LCLAT1: variants seen among roughly 807,000 people sequenced by gnomAD.
LCLAT1 encodes 1-AGP acyltransferase 8.
In LCLAT1, 11 loss-of-function variants were observed where a neutral mutation model predicts 30.7. That is an observed-to-expected ratio of 0.36 (90% CI 0.23 to 0.59). The LOEUF (loss-of-function observed/expected upper bound fraction) is 0.59, where lower values mean the gene tolerates loss of function less well. LCLAT1 is among the 20% of genes least tolerant of loss of function. The probability of loss-of-function intolerance (pLI) is 0.77; values close to 1 mark genes in which losing one functional copy is unlikely to be tolerated. For missense variants in LCLAT1, 402 were observed against 458.6 expected, an observed-to-expected ratio of 0.88 and a Z score of 1.13; for synonymous variants, 155 against 151.3, an observed-to-expected ratio of 1.02 and a Z score of -0.18.
At chr2:30,484,019 T>C (rs1194294765) in intron 1 of LCLAT1, among the ~76,000 whole-genome samples, 1 of 152,194 alleles carries the variant, frequency 6.6e-6, no homozygotes, top group African/African-American at 2.4e-5. Flanking sequence ...TATATTGATA[T>C]CTAAGTGAGA....
At chr2:30,529,960 G>A (rs17009647) in intron 2 of LCLAT1, among the ~76,000 whole-genome samples, 6,854 of 152,174 alleles carry the variant, frequency 0.045, 534 homozygotes, top group African/African-American at 0.16. Context: ...TGAGAGCAGC[G>A]GGCATGATGG....
chr2:30,598,958 T>TTGAG (rs1037909494), intron 5 of LCLAT1, among the ~76,000 whole-genome samples: 2 of 151,538 alleles, frequency 1.3e-5, no homozygotes, highest in African/African-American at 4.8e-5. Context: ...TTGTATGATT[T>TTGAG]TGAGTGAGTT....
chr2:30,584,161 T>C (rs1444615139), intron 5 of LCLAT1, among the ~76,000 whole-genome samples: 1 of 152,168 alleles, frequency 6.6e-6, no homozygotes, highest in Non-Finnish European at 1.5e-5. Flanking sequence ...TCTTCTTGGA[T>C]CCCGTCAGCC....
chr2:30,550,689 T>G (rs1664639359), intron 3 of LCLAT1, among the ~76,000 whole-genome samples: 1 of 152,182 alleles, frequency 6.6e-6, no homozygotes, highest in Non-Finnish European at 1.5e-5. Flanking sequence ...GTTTCTTTAC[T>G]GCAAAGATGC....
chr2:30,523,343 A>T (rs1228568101), intron 1 of LCLAT1, among the ~76,000 whole-genome samples: 3 of 151,880 alleles, frequency 2.0e-5, no homozygotes, highest in Non-Finnish European at 2.9e-5. Context: ...CTCAGAGAAA[A>T]CAAAGTTGAG....
At chr2:30,455,606 A>T (rs1202656902) in intron 1 of LCLAT1, among the ~76,000 whole-genome samples, 1 of 151,920 alleles carries the variant, frequency 6.6e-6, no homozygotes, top group East Asian at 1.9e-4. Flanking sequence ...CTGCAGTTAG[A>T]TCTTTGTCTT....
At chr2:30,475,735 A>G (rs1483389945) in intron 1 of LCLAT1, among the ~76,000 whole-genome samples, 1 of 152,150 alleles carries the variant, frequency 6.6e-6, no homozygotes, top group African/African-American at 2.4e-5. Flanking sequence ...GTTTCTCCTA[A>G]TATGTGATGC....
chr2:30,501,527 T>C (rs1310151960), intron 1 of LCLAT1, among the ~76,000 whole-genome samples: 1 of 151,904 alleles, frequency 6.6e-6, no homozygotes, highest in Admixed American at 6.6e-5. Context: ...AAAAAAAAAT[T>C]AGTTGGGCAT....
At chr2:30,528,031 A>G (rs989414675) in intron 2 of LCLAT1, among the ~76,000 whole-genome samples, 1 of 152,136 alleles carries the variant, frequency 6.6e-6, no homozygotes, top group Non-Finnish European at 1.5e-5. Flanking sequence ...GCCTGGTATA[A>G]TGTCCTCTTG....
intron 5 of LCLAT1, among the ~76,000 whole-genome samples, chr2:30,630,148 T>C (rs950139992): frequency 6.6e-6 from 1 of 152,192 alleles, no homozygotes; most frequent in Non-Finnish European, 1.5e-5. Flanking sequence ...TCTCACTGTG[T>C]CCTCACGTGA....
intron 1 of LCLAT1, among the ~76,000 whole-genome samples, chr2:30,451,212 G>C (rs535565758): frequency 1.3e-5 from 2 of 152,204 alleles, no homozygotes; most frequent in Admixed American, 6.5e-5. Flanking sequence ...AAGATGGACA[G>C]TGCCGGTGTT....
intron 3 of LCLAT1, among the ~76,000 whole-genome samples, chr2:30,554,252 T>C (rs1375402868): frequency 1.3e-5 from 2 of 152,226 alleles, no homozygotes; most frequent in African/African-American, 4.8e-5. Flanking sequence ...GTCAGTATTG[T>C]TCAGTCTAGA....
intron 3 of LCLAT1, among the ~76,000 whole-genome samples, chr2:30,538,990 G>T (rs1663969386): frequency 6.9e-6 from 1 of 145,256 alleles, no homozygotes. Flanking sequence ...GATGTAGTCT[G>T]GCTCTGTCAC....
chr2:30,522,754 C>A (rs1312979716), intron 1 of LCLAT1, among the ~76,000 whole-genome samples: 1 of 152,162 alleles, frequency 6.6e-6, no homozygotes, highest in Non-Finnish European at 1.5e-5. Context: ...GTGACACACA[C>A]CTTTCTACCT....
chr2:30,458,201 T>C (rs1174517693), intron 1 of LCLAT1, among the ~76,000 whole-genome samples: 1 of 152,166 alleles, frequency 6.6e-6, no homozygotes, highest in East Asian at 1.9e-4. Flanking sequence ...GAAAGGGAAA[T>C]GTAGAAGTTT....
chr2:30,639,253 G>A (rs554744765), intron 5 of LCLAT1, among the ~76,000 whole-genome samples: 13 of 152,158 alleles, frequency 8.5e-5, no homozygotes, highest in East Asian at 7.7e-4. Context: ...AACACCTTAC[G>A]TGTTCCCATA....
In LCLAT1 at chr2:30,524,864, G is replaced by T. The variant is rs146817270; in HGVS notation, c.-4-723G>T. ...AGGGTTTAGTACTATCTGTGATTCA[G>T]GCATCTACTGGGGGTCTTGGAATGG... is the stretch of plus-strand genomic sequence containing the variant. On this transcript the variant is annotated intron_variant, in intron 1 of 5. Transcript: ENST00000379509. Among the ~76,000 whole-genome samples the T allele has an allele frequency of 4.7e-3, 722 of 152,172 alleles. 7 individuals carry two copies. The highest frequency in any genetic ancestry group is 0.017 in the African/African-American group (690 of 41,518).
chr2:30,606,107 A>G, intron 5 of LCLAT1: 1 of 1,012,608 alleles, frequency 9.9e-7, no homozygotes, highest in Non-Finnish European at 1.4e-6. Context: ...AACAAATGGA[A>G]AAACACTCCA....
intron 3 of LCLAT1, among the ~76,000 whole-genome samples, chr2:30,554,645 C>T (rs989637917): frequency 1.3e-5 from 2 of 152,128 alleles, no homozygotes; most frequent in African/African-American, 4.8e-5. Flanking sequence ...CAATATTGGA[C>T]ATATAGTAAG....
Sources: gnomAD v4.1 joint callset for allele counts (sites outside exome capture counted in the v4.1 genomes callset) on GRCh38, gnomAD v4.1.1 for gene constraint, MANE v1.5 for transcripts, NCBI Gene and HGNC (gene_info 2026-07-23, HGNC 2026-07-21) for gene names.